COL24A1: variants seen among roughly 807,000 people sequenced by gnomAD.
COL24A1 encodes collagen alpha-1(XXIV) chain.
COL24A1 carries 224 observed loss-of-function variants against 253.9 expected under a neutral mutation model. The ratio of observed to expected loss-of-function variants is 0.88; its 90% confidence interval spans 0.79 to 0.99. The LOEUF (loss-of-function observed/expected upper bound fraction) is 0.99, where lower values mean the gene tolerates loss of function less well. Ranked by LOEUF, COL24A1 falls within the 50% of genes least tolerant of loss-of-function variation. The pLI is 0.00. For missense variants in COL24A1, 2,131 were observed against 2,068.5 expected, an observed-to-expected ratio of 1.03 and a Z score of -0.59; for synonymous variants, 685 against 673.7, an observed-to-expected ratio of 1.02 and a Z score of -0.26.
intron 43 of COL24A1, among the ~76,000 whole-genome samples, 171 bp downstream of exon 43, chr1:85,838,414 A>G (rs1676248201): frequency 6.6e-6 from 1 of 152,188 alleles, no homozygotes; most frequent in South Asian, 2.1e-4. Flanking sequence ...CAGAAGTAAG[A>G]AAAGACAAAG....
At chr1:85,763,897 C>T (rs1377914017) in intron 53 of COL24A1, among the ~76,000 whole-genome samples, 1 of 152,178 alleles carries the variant, frequency 6.6e-6, no homozygotes, top group East Asian at 1.9e-4. Context: ...ATTCTCTTTT[C>T]ACTTTATCCC....
At chr1:86,059,039 G>C in intron 9 of COL24A1, 82 bp downstream of exon 9, 1 of 832,040 alleles carries the variant, frequency 1.2e-6, no homozygotes, top group Non-Finnish European at 1.8e-6. Flanking sequence ...AAAACTATTT[G>C]AACATTAATT....
chr1:85,869,415 A>G (rs546502606), intron 35 of COL24A1, among the ~76,000 whole-genome samples: 224 of 152,312 alleles, frequency 1.5e-3, no homozygotes, highest in Non-Finnish European at 2.5e-3. Flanking sequence ...CAAAGTTGAA[A>G]AGAAGGAAAA....
intron 19 of COL24A1, among the ~76,000 whole-genome samples, chr1:85,992,774 A>T (rs983735632): frequency 5.3e-5 from 8 of 152,178 alleles, no homozygotes; most frequent in Non-Finnish European, 1.0e-4. Context: ...TTCTCTCACA[A>T]TGTGTTTTAC....
At position 85,838,990 on chromosome 1, in the gene COL24A1, A is replaced by G. The variant is rs1676313309; in HGVS notation, c.3628-352T>C. Among the ~76,000 whole-genome samples, 5 of 152,258 alleles carry G rather than the reference A, an allele frequency of 3.3e-5. No homozygotes were observed. The South Asian group carries it at 1.0e-3, about 32-fold the overall frequency. On this transcript the variant is annotated intron_variant, in intron 42 of 59. Coordinates refer to ENST00000370571, the MANE Select transcript of COL24A1 (RefSeq NM_152890.7). ...TGAGGCAGGAGGATCCCTTGAGCCC[A>G]GGAGTTCGAGACCAGCCTGGGCAAT...
intron 20 of COL24A1, among the ~76,000 whole-genome samples, chr1:85,972,437 C>A (rs1692261904): frequency 6.6e-6 from 1 of 152,140 alleles, no homozygotes; most frequent in African/African-American, 2.4e-5. Flanking sequence ...AAGCTTATTA[C>A]ATAAACAGCA....
chr1:85,960,368 T>A (rs1015888585), intron 24 of COL24A1, among the ~76,000 whole-genome samples: 3 of 152,204 alleles, frequency 2.0e-5, no homozygotes, highest in African/African-American at 4.8e-5. Flanking sequence ...TGGCTGGCTT[T>A]CTTCATTGTA....
At chr1:86,063,690 C>A in intron 8 of COL24A1, 25 bp downstream of exon 8, 1 of 1,499,502 alleles carries the variant, frequency 6.7e-7, no homozygotes, top group South Asian at 1.3e-5. Context: ...ACACATGATA[C>A]AAGTCTTATA....
intron 47 of COL24A1, among the ~76,000 whole-genome samples, chr1:85,791,504 C>T (rs1670271781): frequency 6.6e-6 from 1 of 152,032 alleles, no homozygotes; most frequent in Admixed American, 6.6e-5. Context: ...ATATCTTAGA[C>T]CTAGATGCAA....
At chr1:85,794,562 A>G (rs1183159237) in intron 47 of COL24A1, among the ~76,000 whole-genome samples, 2 of 152,208 alleles carry the variant, frequency 1.3e-5, no homozygotes, top group African/African-American at 4.8e-5. Context: ...GGATGATAGC[A>G]GAGTGTTCTG....
intron 37 of COL24A1, among the ~76,000 whole-genome samples, chr1:85,865,547 C>T (rs1262506048): frequency 6.6e-6 from 1 of 152,092 alleles, no homozygotes; most frequent in Non-Finnish European, 1.5e-5. Flanking sequence ...GTCCCATTTC[C>T]ATCTCTGCTC....
chr1:85,889,543 T>A lies in COL24A1; in HGVS notation c.2976+17A>T, dbSNP rs752016089. 3.1e-6 allele frequency: 5 copies of A among 1,603,668 alleles called. No individual in the cohort carries two copies. Among genetic ancestry groups the A allele is most frequent in the Non-Finnish European group, 8.5e-7 (1 of 1,170,946 alleles). On this transcript the variant is annotated intron_variant, in intron 32 of 59. Transcript: ENST00000370571. ...TATGAGAAAGACACAATTAGAAAAGTATAAAGATAAACTTACTGGCTCTCC... is the reference window on the plus strand; with the variant it reads ...TATGAGAAAGACACAATTAGAAAAGAATAAAGATAAACTTACTGGCTCTCC...
intron 2 of COL24A1, among the ~76,000 whole-genome samples, chr1:86,133,586 T>G (rs1649677162): frequency 6.6e-6 from 1 of 152,220 alleles, no homozygotes; most frequent in Admixed American, 6.5e-5. Context: ...GCAAAGGCCT[T>G]TTCTGCATCT....
In COL24A1 at chr1:86,052,585, G is replaced by C. The variant is rs377366680; in HGVS notation, c.1852-2408C>G. On this transcript the variant is annotated intron_variant, in intron 10 of 59. Coordinates refer to ENST00000370571, the MANE Select transcript of COL24A1 (RefSeq NM_152890.7). ...GTGGTTGCCAGGGACTGGGAGTGGAGAACGGGGAATTGTTTATTGGGTACA... is the reference window on the plus strand; with the variant it reads ...GTGGTTGCCAGGGACTGGGAGTGGACAACGGGGAATTGTTTATTGGGTACA... Among the ~76,000 whole-genome samples, 633 of 152,128 alleles carry C rather than the reference G, an allele frequency of 4.2e-3. 1 individual carries two copies. The highest frequency in any genetic ancestry group is 0.02 in the Middle Eastern group (6 of 294).
In COL24A1 at chr1:85,968,401, T is replaced by C. The variant is rs116716417; in HGVS notation, c.2463+1826A>G. Among the ~76,000 whole-genome samples the C allele has an allele frequency of 8.3e-3, 1,266 of 152,270 alleles. 25 individuals are homozygous for C. The highest frequency in any genetic ancestry group is 0.029 in the African/African-American group (1,200 of 41,546). Reference sequence around the variant, plus strand: ...AAACAGAACAACTCTCTGGCTCCCATTCTGTTTTTACTACACATAAAAGCT... The same window carrying C: ...AAACAGAACAACTCTCTGGCTCCCACTCTGTTTTTACTACACATAAAAGCT... On this transcript the variant is annotated intron_variant, in intron 22 of 59. Coordinates refer to ENST00000370571, the MANE Select transcript of COL24A1 (RefSeq NM_152890.7).
rs1302982897 is a variant in COL24A1 at position 85,786,336 on chromosome 1, A to C, written c.4059+18T>G. On this transcript the variant is annotated intron_variant, in intron 48 of 59. Transcript: ENST00000370571. ...ATGGCCAATACTGCTTACCCATTGG[A>C]ACAAAATATTAAAGTACCTTTGGGC... The C allele has an allele frequency of 6.2e-7, 1 of 1,609,958 alleles. No homozygotes were observed. The highest frequency in any genetic ancestry group is 2.2e-5 in the East Asian group (1 of 44,856).
At chr1:85,843,873 T>C (rs189275682) in intron 39 of COL24A1, among the ~76,000 whole-genome samples, 3 of 152,180 alleles carry the variant, frequency 2.0e-5, no homozygotes, top group Non-Finnish European at 2.9e-5. Context: ...AAATAAAATA[T>C]GCAATTCATA....
intron 5 of COL24A1, among the ~76,000 whole-genome samples, chr1:86,092,910 T>C (rs1703610224): frequency 6.6e-6 from 1 of 151,998 alleles, no homozygotes; most frequent in Non-Finnish European, 1.5e-5. Context: ...AATATGACAT[T>C]AGGTTTCAGC....
intron 45 of COL24A1, among the ~76,000 whole-genome samples, chr1:85,819,025 A>G (rs1673329198): frequency 6.6e-6 from 1 of 152,224 alleles, no homozygotes; most frequent in African/African-American, 2.4e-5. Flanking sequence ...ACAGAGAAAA[A>G]GAGCATCTTC....
Sources: allele counts gnomAD v4.1 joint callset (sites outside exome capture counted in the v4.1 genomes callset), GRCh38; gene constraint gnomAD v4.1.1; transcripts MANE v1.5; gene names NCBI Gene and HGNC (gene_info 2026-07-23, HGNC 2026-07-21).